The following GNAZ variants were observed in gnomAD, a reference collection of about 807,000 sequenced individuals.
GNAZ encodes the protein G protein subunit alpha z, also known as guanine nucleotide-binding protein G(z) subunit alpha.
Under a neutral mutation model 25.4 loss-of-function variants are expected in GNAZ, and 3 were observed. The observed-to-expected ratio is 0.12, with a 90% CI of 0.05 to 0.30. The LOEUF is 0.30. GNAZ is among the 10% of genes least tolerant of loss of function. The pLI, the probability that GNAZ is intolerant of heterozygous loss-of-function variation, is 1.00. For missense variants in GNAZ, 241 were observed against 501.8 expected, an observed-to-expected ratio of 0.48 and a Z score of 4.97; for synonymous variants, 211 against 205.7, an observed-to-expected ratio of 1.03 and a Z score of -0.22.
At chr22:23,122,761 G>A (rs144963379) in intron 2 of GNAZ, 57 of 347,408 alleles carry the variant, frequency 1.6e-4, no homozygotes, top group Admixed American at 1.1e-3. Context: ...AGCTGGAGGT[G>A]CCCAGCGGTT....
chr22:23,101,448 G>A (rs570852847), intron 2 of GNAZ, among the ~76,000 whole-genome samples: 1 of 152,182 alleles, frequency 6.6e-6, no homozygotes, highest in Non-Finnish European at 1.5e-5. Flanking sequence ...AGTGACACCT[G>A]GGCTTGGGAG....
intron 1 of GNAZ, among the ~76,000 whole-genome samples, chr22:23,086,006 G>A (rs1169380188): frequency 6.6e-6 from 1 of 152,344 alleles, no homozygotes. Flanking sequence ...CTGGCCCCTC[G>A]GCAGGGTCCC....
At chr22:23,084,961 G>C (rs986966129) in intron 1 of GNAZ, among the ~76,000 whole-genome samples, 1 of 152,208 alleles carries the variant, frequency 6.6e-6, no homozygotes, top group Admixed American at 6.5e-5. Flanking sequence ...TGATGCAGAA[G>C]TGCTGCTCCA....
At chr22:23,074,879 T>C (rs1156931934) in intron 1 of GNAZ, among the ~76,000 whole-genome samples, 2 of 151,648 alleles carry the variant, frequency 1.3e-5, no homozygotes, top group Non-Finnish European at 1.5e-5. Context: ...CATTTGAAAA[T>C]TATTAAGGGC....
chr22:23,123,323 C>T lies in GNAZ; in HGVS notation c.960C>T (p.Ile320=), dbSNP rs1448842209. Residue 320 remains isoleucine (I), a synonymous_variant, in exon 3 of 3, where the codon ATC becomes ATT. Coordinates refer to ENST00000615612, the MANE Select transcript of GNAZ (RefSeq NM_002073.4). The part of the protein sequence containing the change: ...DLNRNKETKE[I]YSHFTCATDT... Reference sequence around the variant, plus strand: ...ACCGCAACAAGGAGACCAAGGAGATCTACTCCCACTTCACCTGCGCCACCG... The same window carrying T: ...ACCGCAACAAGGAGACCAAGGAGATTTACTCCCACTTCACCTGCGCCACCG... The T allele has an allele frequency of 5.6e-6, 9 of 1,613,918 alleles. No homozygotes were observed. The highest frequency in any genetic ancestry group is 1.3e-5 in the African/African-American group (1 of 74,936).
rs1440573415 is a variant in GNAZ at position 23,124,383 on chromosome 22, A to G, written c.*952A>G. 2 of 468,708 alleles carry G rather than the reference A, an allele frequency of 4.3e-6. No individual in the cohort carries two copies. Among genetic ancestry groups the G allele is most frequent in the Non-Finnish European group, 8.9e-6 (2 of 225,498 alleles). 29.0% of individuals were successfully genotyped at this position (468,708 alleles called of 1,614,324 possible). On this transcript the variant is annotated 3_prime_UTR_variant, in exon 3 of 3. Coordinates refer to ENST00000615612, the MANE Select transcript of GNAZ (RefSeq NM_002073.4). The stretch of plus-strand genomic sequence containing the variant: ...GAGTGTAAAAGTTGTTATCTGGACG[A>G]TCTGTCTCTCTGCTCCAAAGAAATT...
Position 23,124,935 on chromosome 22 carries a change from G to A in GNAZ, c.*1504G>A, listed in dbSNP as rs941287767. The A allele has an allele frequency of 1.3e-5, 2 of 152,508 alleles. No individual in the cohort carries two copies. The highest frequency in any genetic ancestry group is 4.8e-5 in the African/African-American group (2 of 41,456). The allele number at this position is 152,508 out of a possible 1,614,324, so 9.4% of individuals were successfully genotyped here. On this transcript the variant is annotated 3_prime_UTR_variant, in exon 3 of 3. Transcript: ENST00000615612. ...TCCGAGGTCAGTGTGCGGAATCACAGCCAAGGACGTGAAGAGATGTACGGG... is the reference window on the plus strand; with the variant it reads ...TCCGAGGTCAGTGTGCGGAATCACAACCAAGGACGTGAAGAGATGTACGGG...
Position 23,123,944 on chromosome 22 carries a change from G to T in GNAZ, c.*513G>T, listed in dbSNP as rs572550856. ...CAGGGTCTGTGCACCTTCCCTGCTG[G>T]CCTGCACACAGCTGCTCAGCACCAC... On this transcript the variant is annotated 3_prime_UTR_variant, in exon 3 of 3. Coordinates refer to ENST00000615612, the MANE Select transcript of GNAZ (RefSeq NM_002073.4). 2.4e-5 allele frequency: 5 copies of T among 210,940 alleles called. No individual in the cohort carries two copies. Among genetic ancestry groups the T allele is most frequent in the East Asian group, 2.5e-4 (2 of 8,048 alleles). 13.1% of individuals were successfully genotyped at this position (210,940 alleles called of 1,614,324 possible).
At chr22:23,118,418 C>G (rs1244673969) in intron 2 of GNAZ, among the ~76,000 whole-genome samples, 1 of 152,186 alleles carries the variant, frequency 6.6e-6, no homozygotes, top group Non-Finnish European at 1.5e-5. Context: ...CACTGGAGCC[C>G]TGGGCTGGCA....
chr22:23,114,568 G>A (rs918661180), intron 2 of GNAZ, among the ~76,000 whole-genome samples: 1 of 152,318 alleles, frequency 6.6e-6, no homozygotes, highest in African/African-American at 2.4e-5. Context: ...GTTGTAGCTG[G>A]CCAGCACTAT....
At chr22:23,097,760 G>A (rs901430249) in intron 2 of GNAZ, among the ~76,000 whole-genome samples, 3 of 152,268 alleles carry the variant, frequency 2.0e-5, no homozygotes, top group Admixed American at 6.5e-5. Flanking sequence ...ATGGCCGTGG[G>A]CAGAGCGCTT....
intron 1 of GNAZ, among the ~76,000 whole-genome samples, chr22:23,080,209 G>A (rs1222864904): frequency 6.6e-6 from 1 of 152,312 alleles, no homozygotes; most frequent in East Asian, 1.9e-4. Flanking sequence ...GAAATATCTG[G>A]CTTGATTTCC....
chr22:23,085,589 G>A (rs2068795117), intron 1 of GNAZ, among the ~76,000 whole-genome samples: 1 of 152,186 alleles, frequency 6.6e-6, no homozygotes, highest in Admixed American at 6.5e-5. Context: ...ACTTTGCTGA[G>A]ATAAGAGATG....
chr22:23,093,937 C>T (rs1256644131), intron 1 of GNAZ, among the ~76,000 whole-genome samples: 2 of 152,160 alleles, frequency 1.3e-5, no homozygotes, highest in Non-Finnish European at 2.9e-5. Flanking sequence ...ATCGCCAGGA[C>T]TAGTGGTCAA....
At chr22:23,091,613 C>T (rs771138827) in intron 1 of GNAZ, among the ~76,000 whole-genome samples, 3 of 151,916 alleles carry the variant, frequency 2.0e-5, no homozygotes, top group Non-Finnish European at 4.4e-5. Context: ...TGCATACACG[C>T]ATATGCACCG....
At chr22:23,086,476 T>G (rs1440175566) in intron 1 of GNAZ, among the ~76,000 whole-genome samples, 1 of 152,250 alleles carries the variant, frequency 6.6e-6, no homozygotes, top group Non-Finnish European at 1.5e-5. Context: ...CACGGGCCTC[T>G]GGACCTAGGT....
chr22:23,115,607 C>T (rs114674491), intron 2 of GNAZ, among the ~76,000 whole-genome samples: 448 of 152,246 alleles, frequency 2.9e-3, no homozygotes, highest in African/African-American at 0.01. Context: ...GCAGGGTGGC[C>T]TCCCACACCT....
chr22:23,095,803 G>A lies in GNAZ; in HGVS notation c.108G>A (p.Leu36=). The A allele has an allele frequency of 6.2e-7, 1 of 1,613,452 alleles. No individual in the cohort carries two copies. The highest frequency in any genetic ancestry group is 8.5e-7 in the Non-Finnish European group (1 of 1,180,012). The change falls in exon 2 of 3, where the codon CTG becomes CTA. Residue 36 remains leucine (L), a synonymous_variant. Coordinates refer to ENST00000615612, the MANE Select transcript of GNAZ (RefSeq NM_002073.4). The part of the protein sequence containing the change: ...ESQRQRREIK[L]LLLGTSNSGK... ...AGCGGCAACGCCGCGAAATCAAGCT[G>A]CTCCTGCTGGGCACCAGCAACTCAG...
chr22:23,085,557 T>G (rs1569166051), intron 1 of GNAZ, among the ~76,000 whole-genome samples: 2 of 152,218 alleles, frequency 1.3e-5, no homozygotes, highest in African/African-American at 2.4e-5. Context: ...CAAATGGAAC[T>G]GAGCCAGGGA....
Sources: gnomAD v4.1 joint callset for allele counts (sites outside exome capture counted in the v4.1 genomes callset) on GRCh38, gnomAD v4.1.1 for gene constraint, MANE v1.5 for transcripts, NCBI Gene and HGNC (gene_info 2026-07-23, HGNC 2026-07-21) for gene names.